The following LAMA1 variants were observed in gnomAD, a reference collection of about 807,000 sequenced individuals.
LAMA1 encodes the protein laminin subunit alpha 1.
LAMA1 carries 219 observed loss-of-function variants against 348.7 expected under a neutral mutation model. The ratio of observed to expected loss-of-function variants is 0.63; its 90% CI spans 0.56 to 0.70. LAMA1 has a LOEUF of 0.70. Ranked by LOEUF, LAMA1 falls within the 30% of genes least tolerant of loss-of-function variation. The pLI, the probability that LAMA1 is intolerant of heterozygous loss-of-function variation, is 0.00. For synonymous variants in LAMA1, 1,487 were observed against 1,491.0 expected (o/e 1.00, Z 0.06); for missense variants, 3,744 against 3,888.0 (o/e 0.96, Z 0.99).
chr18:6,986,082 T>G, intron 37 of LAMA1, 55 bp downstream of exon 37: 2 of 1,589,676 alleles, frequency 1.3e-6, no homozygotes, highest in Non-Finnish European at 1.7e-6. Flanking sequence ...ATTGCTTACG[T>G]TGGAGTATTT....
intron 1 of LAMA1, among the ~76,000 whole-genome samples, chr18:7,100,058 C>CAAAAA (rs3038921): frequency 0.13 from 10,404 of 78,522 alleles, 1,426 homozygotes; most frequent in Non-Finnish European, 0.19. Context: ...GACTTTGTCT[C>CAAAAA]AAAAAAAAAA....
At chr18:7,023,068 C>T (rs903102093) in intron 19 of LAMA1, 96 bp downstream of exon 19, 11 of 1,338,982 alleles carry the variant, frequency 8.2e-6, no homozygotes. Flanking sequence ...AGAGTGTGAC[C>T]TCCTAGGCGG....
chr18:7,109,036 T>C (rs1479783103), intron 1 of LAMA1, among the ~76,000 whole-genome samples: 1 of 152,094 alleles, frequency 6.6e-6, no homozygotes, highest in African/African-American at 2.4e-5. Flanking sequence ...ACTGGAAAGG[T>C]TCTTGTGCCT....
In LAMA1 at chr18:6,991,150, C is replaced by T. The variant is rs1249212200; in HGVS notation, c.5168+1411G>A. 2.6e-5 allele frequency among the ~76,000 whole-genome samples: 4 copies of T among 152,128 alleles called. No individual in the cohort carries two copies. The East Asian group carries it at 7.7e-4, about 29-fold the overall frequency. On this transcript the variant is annotated intron_variant, in intron 36 of 62. Transcript: ENST00000389658. ...CCCTATTATTCTAGTAATTAGATTA[C>T]TAGTCCTCTCTCCAAACTCCATCCA... is the stretch of plus-strand genomic sequence containing the variant.
chr18:6,961,464 G>A, intron 53 of LAMA1, 122 bp downstream of exon 53: 1 of 1,123,516 alleles, frequency 8.9e-7, no homozygotes, highest in South Asian at 1.4e-5. Flanking sequence ...TATTGAAAAT[G>A]CACATCCATA....
chr18:7,031,899 A>G (rs912390165), intron 16 of LAMA1, among the ~76,000 whole-genome samples, 167 bp downstream of exon 16: 1 of 151,850 alleles, frequency 6.6e-6, no homozygotes, highest in East Asian at 1.9e-4. Flanking sequence ...ACAAAAAAAA[A>G]AACGGGAAAC....
At chr18:7,116,599 AT>A (rs928078352) in intron 1 of LAMA1, among the ~76,000 whole-genome samples, 4 of 151,668 alleles carry the variant, frequency 2.6e-5, no homozygotes, top group East Asian at 1.9e-4. Flanking sequence ...TTTGACTCGA[AT>A]TTTTTTTTAA....
chr18:7,028,018 GCAAGATATAAAGTAGGACCAAGTAGAA>G (rs1326346587), intron 16 of LAMA1, among the ~76,000 whole-genome samples: 2 of 152,066 alleles, frequency 1.3e-5, no homozygotes, highest in Admixed American at 6.6e-5. Flanking sequence ...AAAGAGAAAT[GCAAGATATAAAGTAGGACCAAGTAGAA>G]CTTCTAGAAC....
At chr18:7,036,896 T>C (rs1311079115) in intron 12 of LAMA1, among the ~76,000 whole-genome samples, 2 of 152,024 alleles carry the variant, frequency 1.3e-5, no homozygotes, top group Non-Finnish European at 2.9e-5. Context: ...CAGGGAGCTA[T>C]AATAATTGAG....
chr18:6,990,259 C>A (rs1409312336), intron 36 of LAMA1, among the ~76,000 whole-genome samples: 1 of 152,130 alleles, frequency 6.6e-6, no homozygotes, highest in Non-Finnish European at 1.5e-5. Flanking sequence ...CTGTATGTTC[C>A]CAACTCCTGG....
intron 1 of LAMA1, among the ~76,000 whole-genome samples, chr18:7,087,645 A>G (rs2058222998): frequency 6.6e-6 from 1 of 152,224 alleles, no homozygotes; most frequent in Non-Finnish European, 1.5e-5. Flanking sequence ...TTTTATATCA[A>G]TATGTATTTG....
chr18:7,050,602 A>C, intron 4 of LAMA1, 92 bp downstream of exon 4: 2 of 1,569,492 alleles, frequency 1.3e-6, no homozygotes, highest in Admixed American at 1.7e-5. Context: ...GTTATATTAA[A>C]GATCTTTGTA....
chr18:6,984,231 G>A (rs758392217), intron 39 of LAMA1, among the ~76,000 whole-genome samples: 1 of 152,092 alleles, frequency 6.6e-6, no homozygotes, highest in African/African-American at 2.4e-5. Flanking sequence ...TATCTTATAC[G>A]ATTTTTAATT....
intron 35 of LAMA1, among the ~76,000 whole-genome samples, chr18:6,993,010 A>G (rs1251080058): frequency 6.6e-6 from 1 of 152,246 alleles, no homozygotes; most frequent in Non-Finnish European, 1.5e-5. Flanking sequence ...CCTGGCAGAG[A>G]CATCTGCACA....
intron 33 of LAMA1, among the ~76,000 whole-genome samples, chr18:6,996,085 T>C (rs931570863): frequency 3.9e-5 from 6 of 152,204 alleles, no homozygotes; most frequent in Non-Finnish European, 8.8e-5. Context: ...CTGGCAGATA[T>C]TATACTGATC....
chr18:7,085,723 TA>T (rs2058214683), intron 1 of LAMA1, among the ~76,000 whole-genome samples: 1 of 152,120 alleles, frequency 6.6e-6, no homozygotes, highest in African/African-American at 2.4e-5. Flanking sequence ...TGGCCTATTT[TA>T]CCCTTAATCT....
At chr18:6,996,135 T>G (rs1001368746) in intron 33 of LAMA1, among the ~76,000 whole-genome samples, 1 of 152,168 alleles carries the variant, frequency 6.6e-6, no homozygotes, top group South Asian at 2.1e-4. Context: ...AATATTCTTT[T>G]TTTTATAGAG....
intron 1 of LAMA1, among the ~76,000 whole-genome samples, chr18:7,086,052 T>A (rs2058215964): frequency 6.6e-6 from 1 of 152,310 alleles, no homozygotes; most frequent in Middle Eastern, 3.4e-3. Context: ...TTTACACATA[T>A]GCGTCAGAAA....
chr18:6,962,233 G>A (rs935854559), intron 51 of LAMA1, among the ~76,000 whole-genome samples, 174 bp from the exon 52 acceptor site: 2 of 152,066 alleles, frequency 1.3e-5, no homozygotes, highest in African/African-American at 4.8e-5. Flanking sequence ...ACAAGCCAGG[G>A]CAACATAGTG....
Sources: gnomAD v4.1 joint callset for allele counts (sites outside exome capture counted in the v4.1 genomes callset) on GRCh38, gnomAD v4.1.1 for gene constraint, MANE v1.5 for transcripts, NCBI Gene and HGNC (gene_info 2026-07-23, HGNC 2026-07-21) for gene names.